The following AFG2A variants were observed in gnomAD, a reference collection of about 807,000 sequenced individuals.
AFG2A encodes ATPase family gene 2 protein homolog A.
the AFG2A span, among the ~76,000 whole-genome samples, chr4:123,156,122 C>CCA: frequency 6.6e-6 from 1 of 152,126 alleles, no homozygotes; most frequent in Non-Finnish European, 1.5e-5. Context: ...TTTAAAGGGA[C>CCA]TAACACCCAG....
chr4:123,106,172 T>G, the AFG2A span, among the ~76,000 whole-genome samples: 1 of 152,188 alleles, frequency 6.6e-6, no homozygotes, highest in African/African-American at 2.4e-5. Flanking sequence ...GCAAAAAGAT[T>G]ATAACTTGCT....
chr4:123,311,224 A>T, the AFG2A span, among the ~76,000 whole-genome samples: 1 of 152,240 alleles, frequency 6.6e-6, no homozygotes, highest in South Asian at 2.1e-4. Flanking sequence ...AGTTACAAAC[A>T]TTCACATTTC....
the AFG2A span, among the ~76,000 whole-genome samples, chr4:123,062,652 C>T: frequency 6.6e-6 from 1 of 152,070 alleles, no homozygotes; most frequent in Non-Finnish European, 1.5e-5. Flanking sequence ...AGGCTACTAA[C>T]TTATACAGCA....
At chr4:122,925,144 C>A in the AFG2A span, among the ~76,000 whole-genome samples, 1 of 152,142 alleles carries the variant, frequency 6.6e-6, no homozygotes, top group Non-Finnish European at 1.5e-5. Flanking sequence ...TGACTCTCCC[C>A]CCCATATCTC....
the AFG2A span, among the ~76,000 whole-genome samples, chr4:122,945,038 C>T: frequency 6.6e-6 from 1 of 152,212 alleles, no homozygotes; most frequent in Non-Finnish European, 1.5e-5. Flanking sequence ...AGGTGTCAGT[C>T]TGCCCCTACT....
the AFG2A span, among the ~76,000 whole-genome samples, chr4:123,037,601 T>C: frequency 0.022 from 3,300 of 152,052 alleles, 62 homozygotes; most frequent in Non-Finnish European, 0.036. Context: ...ATATAAATGG[T>C]CTCTTGTTTA....
the AFG2A span, among the ~76,000 whole-genome samples, chr4:123,239,447 C>A: frequency 1.3e-5 from 2 of 152,242 alleles, no homozygotes; most frequent in East Asian, 1.9e-4. Flanking sequence ...GTCAGATTAC[C>A]CACTAACGGA....
the AFG2A span, among the ~76,000 whole-genome samples, chr4:122,940,783 T>G: frequency 6.6e-6 from 1 of 151,436 alleles, no homozygotes; most frequent in African/African-American, 2.4e-5. Flanking sequence ...GTTTAAGTCT[T>G]TAATCCATCT....
At chr4:122,961,500 T>G in the AFG2A span, among the ~76,000 whole-genome samples, 1 of 152,190 alleles carries the variant, frequency 6.6e-6, no homozygotes, top group Non-Finnish European at 1.5e-5. Flanking sequence ...GGTAGCCTCC[T>G]TGACAGATTT....
the AFG2A span, chr4:122,934,189 G>A: frequency 6.2e-7 from 1 of 1,614,190 alleles, no homozygotes; most frequent in East Asian, 2.2e-5. Flanking sequence ...AGGGGCAGAT[G>A]GCATGATATT....
the AFG2A span, among the ~76,000 whole-genome samples, chr4:123,177,075 G>T: frequency 6.6e-6 from 1 of 151,900 alleles, no homozygotes; most frequent in Non-Finnish European, 1.5e-5. Context: ...TAGCTCCAGA[G>T]AAACCAAGTT....
the AFG2A span, among the ~76,000 whole-genome samples, chr4:123,272,719 A>G: frequency 6.6e-6 from 1 of 152,184 alleles, no homozygotes; most frequent in East Asian, 1.9e-4. Context: ...TCATTGAAGG[A>G]GCAGTAAGGG....
the AFG2A span, among the ~76,000 whole-genome samples, chr4:122,930,279 G>A: frequency 2.6e-5 from 4 of 152,144 alleles, no homozygotes; most frequent in African/African-American, 7.2e-5. Flanking sequence ...ATAGGATATC[G>A]ACTTGGTTTG....
the AFG2A span, among the ~76,000 whole-genome samples, chr4:123,103,946 C>T: frequency 0.1 from 15,785 of 152,022 alleles, 927 homozygotes; most frequent in Middle Eastern, 0.2. Flanking sequence ...GAAATCAGTT[C>T]GGGGATCTGA....
At chr4:123,063,743 C>CAA in the AFG2A span, among the ~76,000 whole-genome samples, 8 of 129,750 alleles carry the variant, frequency 6.2e-5, no homozygotes, top group Admixed American at 3.1e-4. Flanking sequence ...GAGACTGTCT[C>CAA]AAAAAAAAAA....
the AFG2A span, among the ~76,000 whole-genome samples, chr4:123,289,361 G>T: frequency 6.6e-6 from 1 of 152,078 alleles, no homozygotes. Flanking sequence ...ATTTTTTCTG[G>T]CTGGGTAGTA....
At chr4:123,311,971 G>A in the AFG2A span, among the ~76,000 whole-genome samples, 3,343 of 152,232 alleles carry the variant, frequency 0.022, 121 homozygotes, top group African/African-American at 0.075. Context: ...ACCCAGAAAC[G>A]TTGAGAGGTT....
the AFG2A span, among the ~76,000 whole-genome samples, chr4:123,038,269 A>T: frequency 6.6e-6 from 1 of 152,078 alleles, no homozygotes; most frequent in Non-Finnish European, 1.5e-5. Flanking sequence ...ACAACTCAGA[A>T]GACTGTTGCA....
chr4:123,185,343 T>G, the AFG2A span, among the ~76,000 whole-genome samples: 1 of 152,122 alleles, frequency 6.6e-6, no homozygotes, highest in Admixed American at 6.6e-5. Context: ...AAAAAAGTCA[T>G]AATAACTGTT....
Sources: allele counts gnomAD v4.1 joint callset (sites outside exome capture counted in the v4.1 genomes callset), GRCh38; gene constraint gnomAD v4.1.1; transcripts MANE v1.5; gene names NCBI Gene and HGNC (gene_info 2026-07-23, HGNC 2026-07-21).